Variants in KLHL2 observed in about 807,000 individuals in gnomAD.
The protein encoded by KLHL2 is kelch-like protein 2.
KLHL2 carries 15 observed loss-of-function variants against 75.8 expected under a neutral mutation model. The ratio of observed to expected loss-of-function variants is 0.20; its 90% confidence interval spans 0.13 to 0.30. KLHL2 has a LOEUF of 0.30. Ranked by LOEUF, KLHL2 falls within the 10% of genes least tolerant of loss-of-function variation. The pLI, the probability that KLHL2 is intolerant of heterozygous loss-of-function variation, is 1.00. For synonymous variants in KLHL2, 214 were observed against 251.9 expected (o/e 0.85, Z 1.42); for missense variants, 381 against 741.0 (o/e 0.51, Z 5.64).
At chr4:165,264,213 A>G (rs1741954467) in intron 5 of KLHL2, among the ~76,000 whole-genome samples, 1 of 152,042 alleles carries the variant, frequency 6.6e-6, no homozygotes, top group Non-Finnish European at 1.5e-5. Flanking sequence ...TTTAATGATT[A>G]CATCCTTTTT....
In KLHL2 at chr4:165,307,265, G is replaced by T. The variant is rs181613218; in HGVS notation, c.1039+1540G>T. On this transcript the variant is annotated intron_variant, in intron 9 of 14. Transcript: ENST00000226725. ...GGAGGTTGCAGTGAGCCAAGACCTCGCCACTGCACTCCAGCCTAGGCAATA... is the reference window on the plus strand; with the variant it reads ...GGAGGTTGCAGTGAGCCAAGACCTCTCCACTGCACTCCAGCCTAGGCAATA... Among the ~76,000 whole-genome samples, 813 of 152,204 alleles carry T rather than the reference G, an allele frequency of 5.3e-3. 5 individuals carry two copies. Among genetic ancestry groups the T allele is most frequent in the Middle Eastern group, 0.044 (13 of 294 alleles).
At chr4:165,240,433 A>T (rs2111110329) in intron 4 of KLHL2, 1 of 152,256 alleles carries the variant, frequency 6.6e-6, no homozygotes, top group Non-Finnish European at 1.5e-5. Flanking sequence ...AGATGGCCTC[A>T]TTAGCTTTTG....
At chr4:165,218,455 A>G (rs762303079) in intron 1 of KLHL2, among the ~76,000 whole-genome samples, 6 of 152,024 alleles carry the variant, frequency 3.9e-5, no homozygotes, top group African/African-American at 7.2e-5. Context: ...TTCAAATCTC[A>G]GTTCTCAACT....
intron 7 of KLHL2, among the ~76,000 whole-genome samples, chr4:165,298,075 G>A (rs1403916667): frequency 5.3e-5 from 8 of 152,080 alleles, no homozygotes; most frequent in Non-Finnish European, 5.9e-5. Context: ...TACCCGCCTC[G>A]GCCTCCCAAA....
intron 2 of KLHL2, among the ~76,000 whole-genome samples, chr4:165,222,555 G>T (rs1241703752): frequency 6.6e-6 from 1 of 152,042 alleles, no homozygotes. Context: ...TCTATAACCC[G>T]GATTGTTTTA....
At chr4:165,315,322 A>T (rs1471140564) in intron 13 of KLHL2, among the ~76,000 whole-genome samples, 1 of 152,230 alleles carries the variant, frequency 6.6e-6, no homozygotes, top group African/African-American at 2.4e-5. Flanking sequence ...AAGAATAAAG[A>T]GATAATTTGT....
chr4:165,262,355 T>C (rs542561254), intron 4 of KLHL2, among the ~76,000 whole-genome samples: 144 of 152,294 alleles, frequency 9.5e-4, no homozygotes, highest in African/African-American at 3.4e-3. Flanking sequence ...TGTTGAACTT[T>C]AAATTGTTCT....
chr4:165,263,602 T>A (rs1010352153), intron 5 of KLHL2, among the ~76,000 whole-genome samples: 3 of 149,828 alleles, frequency 2.0e-5, no homozygotes, highest in Non-Finnish European at 3.0e-5. Context: ...ATAGCTAGGT[T>A]TTTTTGTTTT....
intron 1 of KLHL2, chr4:165,208,343 C>A (rs1306804506): frequency 6.5e-6 from 1 of 153,148 alleles, no homozygotes; most frequent in South Asian, 2.1e-4. Context: ...TCTTAGGTTG[C>A]TTGATTCCCC....
At chr4:165,301,723 A>T (rs1047327197) in intron 8 of KLHL2, among the ~76,000 whole-genome samples, 2 of 152,106 alleles carry the variant, frequency 1.3e-5, no homozygotes, top group African/African-American at 4.8e-5. Flanking sequence ...AGTCTTTCCA[A>T]CTTCCTTCTA....
At chr4:165,320,254 G>T (rs1746866134) in intron 14 of KLHL2, among the ~76,000 whole-genome samples, 1 of 152,334 alleles carries the variant, frequency 6.6e-6, no homozygotes, top group African/African-American at 2.4e-5. Flanking sequence ...TTGGGTTTAT[G>T]ATTTGGACTG....
chr4:165,306,431 G>A (rs1745733611), intron 9 of KLHL2, among the ~76,000 whole-genome samples: 1 of 152,158 alleles, frequency 6.6e-6, no homozygotes, highest in South Asian at 2.1e-4. Context: ...TAATCTTAAT[G>A]TTATAAACAA....
intron 10 of KLHL2, 105 bp downstream of exon 10, chr4:165,310,855 GTT>G (rs201298313): frequency 0.23 from 132,746 of 583,042 alleles, 5,373 homozygotes; most frequent in Non-Finnish European, 0.27. Context: ...GGTTTTTTGT[GTT>G]TTTTTTTTTT....
chr4:165,254,650 T>C (rs1393442882), intron 4 of KLHL2, among the ~76,000 whole-genome samples: 2 of 152,216 alleles, frequency 1.3e-5, no homozygotes, highest in African/African-American at 2.4e-5. Flanking sequence ...TTTTGTTGTT[T>C]GAATTGGGAG....
intron 5 of KLHL2, among the ~76,000 whole-genome samples, chr4:165,267,811 A>G (rs376310628): frequency 6.6e-5 from 10 of 152,206 alleles, no homozygotes; most frequent in African/African-American, 1.7e-4. Flanking sequence ...TGGTATCAGT[A>G]TGATGCTGGC....
At chr4:165,246,778 T>C (rs187061500) in intron 4 of KLHL2, among the ~76,000 whole-genome samples, 67 of 152,302 alleles carry the variant, frequency 4.4e-4, no homozygotes, top group Middle Eastern at 3.4e-3. Context: ...CAGTTGGGCT[T>C]ACAAGTGGAG....
rs1043952034 is a variant in KLHL2, at chr4:165,311,819, G to C, written c.1339+254G>C. ...CCTCCTCCTTTCTCTCTGTGTGTGTGTGTGTGTGTGTGTGTGTGTGTGTGT... is the reference window on the plus strand; with the variant it reads ...CCTCCTCCTTTCTCTCTGTGTGTGTCTGTGTGTGTGTGTGTGTGTGTGTGT... On this transcript the variant is annotated intron_variant, in intron 11 of 14. Transcript: ENST00000226725. 7.2e-3 allele frequency among the ~76,000 whole-genome samples: 899 copies of C among 125,438 alleles called. 9 individuals carry two copies. Among genetic ancestry groups the C allele is most frequent in the African/African-American group, 0.026 (866 of 33,502 alleles). 82.3% of individuals were successfully genotyped at this position (125,438 alleles called of 152,430 possible).
chr4:165,306,380 ATAGTTTTTAC>A (rs1360002150), intron 9 of KLHL2, among the ~76,000 whole-genome samples: 1 of 152,242 alleles, frequency 6.6e-6, no homozygotes, highest in African/African-American at 2.4e-5. Context: ...TGGTCTGGAC[ATAGTTTTTAC>A]TAGTTTTTAA....
At chr4:165,278,852 A>T in intron 5 of KLHL2, 1 of 1,528,088 alleles carries the variant, frequency 6.5e-7, no homozygotes, top group Non-Finnish European at 9.1e-7. Context: ...CATTTGTCCC[A>T]CCAGTGCAGC....
Sources: gnomAD v4.1 joint callset for allele counts (sites outside exome capture counted in the v4.1 genomes callset) on GRCh38, gnomAD v4.1.1 for gene constraint, MANE v1.5 for transcripts, NCBI Gene and HGNC (gene_info 2026-07-23, HGNC 2026-07-21) for gene names.